NDST4: variants seen among roughly 807,000 people sequenced by gnomAD.
NDST4 encodes N-heparan sulfate sulfotransferase 4.
Under a neutral mutation model 100.8 loss-of-function variants are expected in NDST4, and 63 were observed. That is an observed-to-expected ratio of 0.62 (90% CI 0.51 to 0.77). The LOEUF is 0.77. Among genes scored for constraint, NDST4 ranks in the 30% least tolerant of loss-of-function variants. The pLI is 0.00. For missense variants in NDST4, 943 were observed against 1,018.4 expected, an observed-to-expected ratio of 0.93 and a Z score of 1.01; for synonymous variants, 377 against 361.8, an observed-to-expected ratio of 1.04 and a Z score of -0.48.
chr4:114,993,044 T>C (rs1424009107), intron 2 of NDST4, among the ~76,000 whole-genome samples: 1 of 151,952 alleles, frequency 6.6e-6, no homozygotes, highest in East Asian at 1.9e-4. Context: ...TAAATAATTA[T>C]ATATCTTTCT....
chr4:114,873,683 T>G (rs1014537720), intron 6 of NDST4, among the ~76,000 whole-genome samples: 3 of 152,034 alleles, frequency 2.0e-5, no homozygotes, highest in African/African-American at 7.2e-5. Context: ...CATAAGAACT[T>G]CTTTATAATC....
At chr4:114,869,752 G>A (rs1578354469) in intron 7 of NDST4, among the ~76,000 whole-genome samples, 1 of 152,102 alleles carries the variant, frequency 6.6e-6, no homozygotes, top group Non-Finnish European at 1.5e-5. Flanking sequence ...AGTGAATAAT[G>A]AGAAATCTCT....
At chr4:114,894,142 C>T (rs113401775) in intron 6 of NDST4, among the ~76,000 whole-genome samples, 5,307 of 152,180 alleles carry the variant, frequency 0.035, 277 homozygotes, top group African/African-American at 0.12. Context: ...GTTACTGTAG[C>T]CTTGTAGTAT....
intron 6 of NDST4, among the ~76,000 whole-genome samples, chr4:114,906,809 G>A (rs10516607): frequency 1.3e-5 from 2 of 151,796 alleles, no homozygotes; most frequent in Non-Finnish European, 2.9e-5. Context: ...GGACTTAAAG[G>A]TATCTAGATC....
At chr4:114,937,678 T>C (rs964509791) in intron 4 of NDST4, among the ~76,000 whole-genome samples, 175 bp from the exon 5 acceptor site, 4 of 152,296 alleles carry the variant, frequency 2.6e-5, no homozygotes, top group African/African-American at 9.6e-5. Flanking sequence ...AGAACTCTGA[T>C]GGCATAACAG....
At chr4:115,083,817 A>G (rs1205682769) in intron 1 of NDST4, among the ~76,000 whole-genome samples, 1 of 152,076 alleles carries the variant, frequency 6.6e-6, no homozygotes, top group Non-Finnish European at 1.5e-5. Flanking sequence ...CCATGATTGT[A>G]AGGTTCCTGA....
chr4:115,091,480 G>A (rs1048436221), intron 1 of NDST4, among the ~76,000 whole-genome samples: 1 of 152,010 alleles, frequency 6.6e-6, no homozygotes, highest in African/African-American at 2.4e-5. Context: ...CAATTGTGAG[G>A]TAGAAAGAAA....
rs1010938022 is a variant in NDST4, at chr4:115,076,829, G to A, written c.208C>T (p.Pro70Ser). ...GGGTCCGTTTTGGATGTGTCAATAG[G>A]TTTAACTGTTTTCAGCTCCATTGAC... ...YRSMELKTVK[P>S]IDTSKTDPTV... The change falls in exon 2 of 14, where the codon CCT becomes TCT. Residue 70 changes from proline to serine, a missense_variant. Around this residue, in one of 2 missense-constraint regions of NDST4, gnomAD observed 417 missense variants for 384.2 expected, o/e 1.09. Transcript: ENST00000264363. 6.2e-7 allele frequency: 1 copy of A among 1,613,870 alleles called. No individual in the cohort carries two copies. Among genetic ancestry groups the A allele is most frequent in the Non-Finnish European group, 8.5e-7 (1 of 1,179,894 alleles).
At chr4:114,849,095 C>A (rs1241454655) in intron 8 of NDST4, among the ~76,000 whole-genome samples, 1 of 152,176 alleles carries the variant, frequency 6.6e-6, no homozygotes, top group African/African-American at 2.4e-5. Flanking sequence ...TCAATGACTT[C>A]TCTGGCAAAA....
At chr4:115,017,070 A>T (rs1329315747) in intron 2 of NDST4, among the ~76,000 whole-genome samples, 2 of 151,856 alleles carry the variant, frequency 1.3e-5, no homozygotes, top group Non-Finnish European at 2.9e-5. Flanking sequence ...AGGAATTTGT[A>T]GTGCTGTTAA....
At chr4:115,054,144 A>C (rs1262413644) in intron 2 of NDST4, among the ~76,000 whole-genome samples, 1 of 151,946 alleles carries the variant, frequency 6.6e-6, no homozygotes, top group Non-Finnish European at 1.5e-5. Context: ...TTTAAAACAT[A>C]ATATACCTAA....
At chr4:115,087,152 T>C (rs796083171) in intron 1 of NDST4, among the ~76,000 whole-genome samples, 13 of 152,172 alleles carry the variant, frequency 8.5e-5, no homozygotes, top group African/African-American at 3.1e-4. Context: ...CTCAGGACCT[T>C]ACTTAGGATG....
chr4:114,974,520 A>C (rs1726586918), intron 3 of NDST4, among the ~76,000 whole-genome samples: 1 of 152,166 alleles, frequency 6.6e-6, no homozygotes, highest in African/African-American at 2.4e-5. Flanking sequence ...CTGGCAAAAT[A>C]CAGTGGGTAG....
At chr4:114,846,889 C>T (rs925814026) in intron 9 of NDST4, among the ~76,000 whole-genome samples, 3 of 152,122 alleles carry the variant, frequency 2.0e-5, no homozygotes, top group Non-Finnish European at 4.4e-5. Flanking sequence ...CATTTGGGCT[C>T]ACAGATCAGA....
At chr4:115,092,708 A>G (rs764689625) in intron 1 of NDST4, among the ~76,000 whole-genome samples, 37 of 152,178 alleles carry the variant, frequency 2.4e-4, no homozygotes, top group Admixed American at 1.3e-3. Flanking sequence ...ACCAATAAAG[A>G]ATATACCTAT....
In NDST4 at chr4:115,010,634, T is replaced by C. The variant is rs1727522606; in HGVS notation, c.979-33360A>G. On this transcript the variant is annotated intron_variant, in intron 2 of 13. Transcript: ENST00000264363. ...CACACCAGCATGGCACATGTATACA[T>C]ATGTAACTAACCTGCACATTGTGCA... Among the ~76,000 whole-genome samples the C allele has an allele frequency of 2.8e-5, 2 of 71,976 alleles. 1 individual carries two copies. The highest frequency in any genetic ancestry group is 2.8e-4 in the Admixed American group (2 of 7,066). 47.2% of individuals were successfully genotyped at this position (71,976 alleles called of 152,430 possible).
intron 10 of NDST4, among the ~76,000 whole-genome samples, chr4:114,841,517 C>T (rs1275445957): frequency 2.0e-5 from 3 of 152,014 alleles, no homozygotes; most frequent in East Asian, 1.9e-4. Flanking sequence ...AAAAAGCAAG[C>T]GCAGAGAGGC....
chr4:114,896,872 T>C (rs1724726440), intron 6 of NDST4, among the ~76,000 whole-genome samples: 2 of 152,182 alleles, frequency 1.3e-5, no homozygotes, highest in South Asian at 4.1e-4. Flanking sequence ...AAGTCAACCA[T>C]GTACAACTCA....
intron 2 of NDST4, among the ~76,000 whole-genome samples, chr4:115,028,787 A>G (rs1167654416): frequency 6.6e-6 from 1 of 152,166 alleles, no homozygotes; most frequent in Non-Finnish European, 1.5e-5. Context: ...GGTAGAAGCC[A>G]GATTACATTG....
Sources: gnomAD v4.1 joint callset for allele counts (sites outside exome capture counted in the v4.1 genomes callset) on GRCh38, gnomAD v4.1.1 for gene constraint, gnomAD v4.1.1 regional missense constraint, MANE v1.5 for transcripts, NCBI Gene and HGNC (gene_info 2026-07-23, HGNC 2026-07-21) for gene names.